ZMAT4: variants seen among roughly 807,000 people sequenced by gnomAD.
ZMAT4 encodes the protein zinc finger matrin-type 4, also known as zinc finger matrin-type protein 4.
In ZMAT4, 17 loss-of-function variants were observed where a neutral mutation model predicts 28.7. The observed-to-expected ratio is 0.59, with a 90% CI of 0.41 to 0.89. ZMAT4 has a LOEUF of 0.89. Among genes scored for constraint, ZMAT4 ranks in the 40% least tolerant of loss-of-function variants. The pLI, the probability that ZMAT4 is intolerant of heterozygous loss-of-function variation, is 0.00. For synonymous variants in ZMAT4, 117 were observed against 109.2 expected, an observed-to-expected ratio of 1.07 and a Z score of -0.44; for missense variants, 240 against 283.8, an observed-to-expected ratio of 0.85 and a Z score of 1.11.
intron 5 of ZMAT4, among the ~76,000 whole-genome samples, chr8:40,657,165 G>T (rs79882845): frequency 1.3e-3 from 203 of 152,076 alleles, no homozygotes; most frequent in African/African-American, 4.6e-3. Context: ...CAAGTAGCTG[G>T]GTATGTCTCA....
intron 5 of ZMAT4, among the ~76,000 whole-genome samples, chr8:40,646,152 G>A (rs1235876474): frequency 1.3e-5 from 2 of 151,778 alleles, no homozygotes; most frequent in African/African-American, 2.4e-5. Flanking sequence ...TGCTTTTTAA[G>A]TGTTTAATTC....
intron 4 of ZMAT4, among the ~76,000 whole-genome samples, chr8:40,692,288 G>A (rs1413386101): frequency 6.6e-6 from 1 of 152,140 alleles, no homozygotes; most frequent in Non-Finnish European, 1.5e-5. Context: ...AAAAATGAAA[G>A]AAAGGTTATT....
chr8:40,876,340 A>G (rs181839827), intron 1 of ZMAT4, among the ~76,000 whole-genome samples: 147 of 152,256 alleles, frequency 9.7e-4, no homozygotes, highest in African/African-American at 3.2e-3. Context: ...TGTTTTTGAG[A>G]CAGGGTTTCA....
chr8:40,838,937 A>G lies in ZMAT4; in HGVS notation c.-4-13257T>C, dbSNP rs116391657. ...CATCACAGCACCAGAAAGGGCCATA[A>G]GGACCATCTAATCTCACCCTTTCAC... On this transcript the variant is annotated intron_variant, in intron 1 of 6. Coordinates refer to ENST00000297737, the MANE Select transcript of ZMAT4 (RefSeq NM_024645.3). Among the ~76,000 whole-genome samples the G allele has an allele frequency of 9.9e-3, 1,508 of 152,306 alleles. 25 individuals carry two copies. The highest frequency in any genetic ancestry group is 0.035 in the African/African-American group (1,434 of 41,552).
At chr8:40,728,102 C>T (rs1811383103) in intron 3 of ZMAT4, among the ~76,000 whole-genome samples, 1 of 152,144 alleles carries the variant, frequency 6.6e-6, no homozygotes, top group Non-Finnish European at 1.5e-5. Flanking sequence ...CTAAGAATTA[C>T]TCTCTGTGAT....
In ZMAT4 at chr8:40,674,919, C is replaced by T; in HGVS notation, c.362G>A (p.Ser121Asn). 6.2e-7 allele frequency: 1 copy of T among 1,612,494 alleles called. No individual in the cohort carries two copies. Among genetic ancestry groups the T allele is most frequent in the Non-Finnish European group, 8.5e-7 (1 of 1,179,580 alleles). The change falls in exon 5 of 7, where the codon AGC (serine) becomes AAC (asparagine). Residue 121 changes from serine to asparagine, a missense_variant. Transcript: ENST00000297737. The part of the protein sequence containing the change: ...TPLKTTATPL[S>N]PLKPPRMDTA... ...GTCCATCCGTGGGGGCTTAAGTGGGCTCAGGGGTGTTGCTGTGAAAGGAAA... is the reference window on the plus strand; with the variant it reads ...GTCCATCCGTGGGGGCTTAAGTGGGTTCAGGGGTGTTGCTGTGAAAGGAAA...
At chr8:40,610,641 C>T (rs1037952067) in intron 5 of ZMAT4, among the ~76,000 whole-genome samples, 40 of 151,830 alleles carry the variant, frequency 2.6e-4, no homozygotes, top group Admixed American at 1.5e-3. Context: ...CAATTTAATT[C>T]GGTTATCTTC....
intron 5 of ZMAT4, 198 bp downstream of exon 5, chr8:40,674,506 C>A (rs1242047986): frequency 1.8e-6 from 1 of 565,058 alleles, no homozygotes. Flanking sequence ...AAAATAAACA[C>A]TTTGAAACAA....
chr8:40,759,151 G>A (rs1812819168), intron 3 of ZMAT4, among the ~76,000 whole-genome samples: 1 of 151,858 alleles, frequency 6.6e-6, no homozygotes, highest in Non-Finnish European at 1.5e-5. Flanking sequence ...GCATGGAGGT[G>A]CGGGCCTGTA....
At chr8:40,662,781 A>T (rs987828964) in intron 5 of ZMAT4, among the ~76,000 whole-genome samples, 3 of 152,166 alleles carry the variant, frequency 2.0e-5, no homozygotes, top group Admixed American at 6.5e-5. Flanking sequence ...AGTTCCCAAT[A>T]GGAAACGTTG....
At chr8:40,562,476 G>A (rs996538141) in intron 6 of ZMAT4, among the ~76,000 whole-genome samples, 1 of 11,616 alleles carries the variant, frequency 8.6e-5, no homozygotes, top group Non-Finnish European at 1.9e-4. Flanking sequence ...TTTTAAAAGA[G>A]GGTTCTGCTG....
intron 1 of ZMAT4, among the ~76,000 whole-genome samples, chr8:40,854,359 G>A (rs1026532038): frequency 1.3e-5 from 2 of 152,202 alleles, no homozygotes; most frequent in Non-Finnish European, 1.5e-5. Flanking sequence ...TATAGAGAGT[G>A]AAGCTAGGAC....
intron 2 of ZMAT4, among the ~76,000 whole-genome samples, chr8:40,822,849 C>G (rs1186229829): frequency 6.6e-6 from 1 of 152,170 alleles, no homozygotes; most frequent in Non-Finnish European, 1.5e-5. Flanking sequence ...ATGTGTAACA[C>G]TGTTAATTGC....
At chr8:40,607,130 T>G (rs1805621405) in intron 5 of ZMAT4, among the ~76,000 whole-genome samples, 1 of 134,530 alleles carries the variant, frequency 7.4e-6, no homozygotes, top group African/African-American at 2.8e-5. Flanking sequence ...TTTTTTTTTT[T>G]TTTTTTTTTT....
At chr8:40,748,015 TATA>T (rs1338133617) in intron 3 of ZMAT4, among the ~76,000 whole-genome samples, 1 of 152,238 alleles carries the variant, frequency 6.6e-6, no homozygotes, top group Admixed American at 6.5e-5. Context: ...TAGACAAAGC[TATA>T]ATGACTATCT....
intron 2 of ZMAT4, among the ~76,000 whole-genome samples, chr8:40,772,613 A>G (rs1260277334): frequency 6.6e-6 from 1 of 151,966 alleles, no homozygotes; most frequent in Non-Finnish European, 1.5e-5. Context: ...CACCTTCATC[A>G]TCTTATTTCA....
intron 2 of ZMAT4, among the ~76,000 whole-genome samples, chr8:40,783,641 C>T (rs896301745): frequency 6.6e-6 from 1 of 151,878 alleles, no homozygotes; most frequent in Admixed American, 6.6e-5. Context: ...ACTACATAAA[C>T]ATAAGAGATG....
At chr8:40,589,757 T>TTTCTTTCTTTCTTTCTTTCTTTCTTTC (rs1804803369) in intron 5 of ZMAT4, among the ~76,000 whole-genome samples, 3 of 148,358 alleles carry the variant, frequency 2.0e-5, no homozygotes, top group Non-Finnish European at 4.5e-5. Flanking sequence ...TCTTTCTTTC[T>TTTCTTTCTTTCTTTCTTTCTTTCTTTC]TTCTTTTTCT....
chr8:40,710,792 T>C (rs1278582164), intron 3 of ZMAT4, among the ~76,000 whole-genome samples: 1 of 151,678 alleles, frequency 6.6e-6, no homozygotes, highest in Non-Finnish European at 1.5e-5. Context: ...GACTTTTCTT[T>C]TTTTTTTGAG....
Sources: allele counts gnomAD v4.1 joint callset (sites outside exome capture counted in the v4.1 genomes callset), GRCh38; gene constraint gnomAD v4.1.1; transcripts MANE v1.5; gene names NCBI Gene and HGNC (gene_info 2026-07-23, HGNC 2026-07-21).